HDAC9: variants seen among roughly 807,000 people sequenced by gnomAD.
HDAC9 encodes MEF-2 interacting transcription repressor (MITR) protein.
Under a neutral mutation model 139.4 loss-of-function variants are expected in HDAC9, and 41 were observed. The ratio of observed to expected loss-of-function variants is 0.29; its 90% CI spans 0.23 to 0.38. HDAC9 has a LOEUF of 0.38. Ranked by LOEUF, HDAC9 falls within the 10% of genes least tolerant of loss-of-function variation. The pLI is 1.00. For synonymous variants in HDAC9, 517 were observed against 476.2 expected (o/e 1.09, Z -1.12); for missense variants, 1,147 against 1,297.0 (o/e 0.88, Z 1.78).
chr7:18,254,079 C>T (rs1485215069), intron 2 of HDAC9, among the ~76,000 whole-genome samples: 5 of 152,172 alleles, frequency 3.3e-5, no homozygotes, highest in Non-Finnish European at 5.9e-5. Flanking sequence ...CAATATACAT[C>T]AAAAGTTTCC....
chr7:18,250,011 C>T (rs1794819173), intron 2 of HDAC9, among the ~76,000 whole-genome samples: 2 of 151,900 alleles, frequency 1.3e-5, no homozygotes, highest in African/African-American at 2.4e-5. Flanking sequence ...AGAGTGAGCC[C>T]CACATTATTC....
intron 11 of HDAC9, among the ~76,000 whole-genome samples, chr7:18,651,656 ATG>A (rs1789310460): frequency 1.3e-5 from 2 of 151,828 alleles, no homozygotes; most frequent in African/African-American, 4.8e-5. Flanking sequence ...TATTATTTTA[ATG>A]TGTTTATAAA....
chr7:18,559,782 C>T (rs895436847), intron 2 of HDAC9, among the ~76,000 whole-genome samples: 10 of 152,078 alleles, frequency 6.6e-5, no homozygotes, highest in African/African-American at 2.4e-4. Flanking sequence ...ACTTTTTCAC[C>T]CTTTTCTGTG....
intron 22 of HDAC9, among the ~76,000 whole-genome samples, chr7:18,905,990 T>TC (rs1802217715): frequency 6.6e-6 from 1 of 150,850 alleles, no homozygotes; most frequent in South Asian, 2.1e-4. Context: ...CTTCCTTCCT[T>TC]CTCTCTCTCT....
chr7:18,683,374 T>G (rs950130223), intron 12 of HDAC9, among the ~76,000 whole-genome samples: 3 of 152,062 alleles, frequency 2.0e-5, no homozygotes, highest in Non-Finnish European at 2.9e-5. Flanking sequence ...ATCAAGATCT[T>G]CCAGCTTCTA....
chr7:18,270,294 T>A (rs200334891), intron 2 of HDAC9, among the ~76,000 whole-genome samples: 3 of 148,314 alleles, frequency 2.0e-5, no homozygotes, highest in African/African-American at 2.5e-5. Flanking sequence ...TTGTAGAAAT[T>A]AAACAAAAAA....
chr7:18,691,937 A>T (rs1782703512), intron 12 of HDAC9, among the ~76,000 whole-genome samples: 1 of 152,032 alleles, frequency 6.6e-6, no homozygotes, highest in African/African-American at 2.4e-5. Flanking sequence ...CAACATAAAG[A>T]AAAGAGGGCA....
chr7:18,223,920 A>G (rs1792877950), intron 2 of HDAC9, among the ~76,000 whole-genome samples: 2 of 152,192 alleles, frequency 1.3e-5, no homozygotes, highest in African/African-American at 4.8e-5. Context: ...TTTAATGTAC[A>G]AATTCTCCTT....
intron 2 of HDAC9, among the ~76,000 whole-genome samples, chr7:18,210,074 A>T (rs1791830465): frequency 6.6e-6 from 1 of 151,962 alleles, no homozygotes; most frequent in African/African-American, 2.4e-5. Flanking sequence ...ACTACAAATG[A>T]TACATTCTGT....
intron 6 of HDAC9, among the ~76,000 whole-genome samples, 188 bp downstream of exon 6, chr7:18,594,217 C>T (rs1831820300): frequency 6.6e-6 from 1 of 152,038 alleles, no homozygotes; most frequent in Non-Finnish European, 1.5e-5. Flanking sequence ...TGATTCATGA[C>T]ATAATCAAAA....
chr7:18,127,541 T>G (rs1212292959), intron 1 of HDAC9, among the ~76,000 whole-genome samples: 2 of 152,164 alleles, frequency 1.3e-5, no homozygotes, highest in Non-Finnish European at 2.9e-5. Context: ...AAACATTAAC[T>G]GGGGACCTTA....
chr7:18,857,292 A>G (rs1425532080), intron 21 of HDAC9, among the ~76,000 whole-genome samples: 1 of 151,268 alleles, frequency 6.6e-6, no homozygotes, highest in Non-Finnish European at 1.5e-5. Flanking sequence ...ATGTAATAGA[A>G]GATAAAAGAG....
intron 12 of HDAC9, among the ~76,000 whole-genome samples, chr7:18,708,881 T>C (rs1784133244): frequency 6.6e-6 from 1 of 151,902 alleles, no homozygotes; most frequent in South Asian, 2.1e-4. Context: ...TCTGTGTAGA[T>C]TAAATCACAT....
At chr7:18,740,783 G>T (rs962799981) in intron 13 of HDAC9, among the ~76,000 whole-genome samples, 1 of 152,212 alleles carries the variant, frequency 6.6e-6, no homozygotes, top group Non-Finnish European at 1.5e-5. Context: ...TACCCAAGGT[G>T]TGAATAGAAA....
intron 11 of HDAC9, among the ~76,000 whole-genome samples, chr7:18,660,842 A>G (rs1041295508): frequency 2.6e-5 from 4 of 152,122 alleles, no homozygotes; most frequent in African/African-American, 9.7e-5. Context: ...AGAGAGAACA[A>G]GATCCCAACT....
chr7:18,445,071 C>G (rs775633286), intron 1 of HDAC9, among the ~76,000 whole-genome samples: 2 of 152,136 alleles, frequency 1.3e-5, no homozygotes, highest in Non-Finnish European at 2.9e-5. Context: ...TGGCCATTGT[C>G]TGTCTTATAG....
chr7:18,270,546 T>G (rs1473899258), intron 2 of HDAC9, among the ~76,000 whole-genome samples: 2 of 152,164 alleles, frequency 1.3e-5, no homozygotes, highest in Non-Finnish European at 2.9e-5. Flanking sequence ...ATAAAACAGG[T>G]TGTCTATCAA....
chr7:18,130,972 T>C (rs1220270747), intron 1 of HDAC9, among the ~76,000 whole-genome samples: 3 of 152,160 alleles, frequency 2.0e-5, no homozygotes, highest in African/African-American at 7.2e-5. Flanking sequence ...TTTATATTAA[T>C]GAAAAGTTGT....
At chr7:18,612,607 G>A (rs544404214) in intron 6 of HDAC9, among the ~76,000 whole-genome samples, 6 of 152,164 alleles carry the variant, frequency 3.9e-5, no homozygotes, top group African/African-American at 1.4e-4. Context: ...CTGTGATACG[G>A]AAGGCAGGAA....
Sources: gnomAD v4.1 joint callset for allele counts (sites outside exome capture counted in the v4.1 genomes callset) on GRCh38, gnomAD v4.1.1 for gene constraint, MANE v1.5 for transcripts, NCBI Gene and HGNC (gene_info 2026-07-23, HGNC 2026-07-21) for gene names.